CLVS1: variants seen among roughly 807,000 people sequenced by gnomAD.
CLVS1 encodes the protein clavesin-1.
Under a neutral mutation model 33.1 loss-of-function variants are expected in CLVS1, and 10 were observed. That is an observed-to-expected ratio of 0.30 (90% CI 0.19 to 0.51). The LOEUF (loss-of-function observed/expected upper bound fraction) is 0.51, where lower values mean the gene tolerates loss of function less well. Ranked by LOEUF, CLVS1 falls within the 20% of genes least tolerant of loss-of-function variation. The pLI is 0.97. For synonymous variants in CLVS1, 163 were observed against 166.1 expected (o/e 0.98, Z 0.14); for missense variants, 343 against 433.4 (o/e 0.79, Z 1.85).
At chr8:60,988,521 G>GAA in the CLVS1 span, among the ~76,000 whole-genome samples, 246 of 146,358 alleles carry the variant, frequency 1.7e-3, 2 homozygotes, top group African/African-American at 5.7e-3. Context: ...AACAGCTGCT[G>GAA]AAAAAAAAAA....
chr8:61,233,906 C>T (rs907372282), intron 2 of CLVS1, among the ~76,000 whole-genome samples: 12 of 152,272 alleles, frequency 7.9e-5, no homozygotes, highest in South Asian at 2.1e-4. Flanking sequence ...CTCTTGTCTC[C>T]GCACATCCAG....
chr8:61,477,012 G>T (rs911594299), intron 5 of CLVS1, among the ~76,000 whole-genome samples: 1 of 150,580 alleles, frequency 6.6e-6, no homozygotes, highest in African/African-American at 2.4e-5. Context: ...CATGAAGGTT[G>T]TTGAATTTTA....
chr8:61,074,379 TATATG>T lies in CLVS1; in HGVS notation c.-243+17150_-243+17154del, dbSNP rs1563392851. ...GTGTGTGTATATATATATATATAAG[TATATG>T]TGTATATATATATGTTATATATATA... On this transcript the variant is annotated intron_variant, in intron 1 of 2. Coordinates refer to the CLVS1 transcript ENST00000522621. Among the ~76,000 whole-genome samples the T allele has an allele frequency of 2.0e-4, 25 of 125,940 alleles. 1 individual carries two copies. The highest frequency in any genetic ancestry group is 4.0e-4 in the Admixed American group (5 of 12,374). 82.6% of individuals were successfully genotyped at this position (125,940 alleles called of 152,430 possible).
the CLVS1 span, among the ~76,000 whole-genome samples, chr8:60,971,253 A>AT: frequency 1.3e-5 from 2 of 151,656 alleles, no homozygotes; most frequent in East Asian, 3.9e-4. Context: ...ATTTTTCTGT[A>AT]TTTTTTGTAG....
chr8:61,469,194 G>C (rs1817656392), intron 5 of CLVS1, among the ~76,000 whole-genome samples: 1 of 152,144 alleles, frequency 6.6e-6, no homozygotes, highest in Admixed American at 6.5e-5. Flanking sequence ...TGTCAGCAAA[G>C]CACCTCCATG....
rs577731527 is a variant in CLVS1, at chr8:61,420,049, A to G, written c.631-34092A>G. On this transcript the variant is annotated intron_variant, in intron 3 of 5. Transcript: ENST00000325897. ...GATTATTATTATCTAATATCTTTCA[A>G]TAACTTTCCTCCCTTTTATTTCATG... Among the ~76,000 whole-genome samples the G allele has an allele frequency of 2.0e-5, 3 of 152,352 alleles. No homozygotes were observed. The South Asian group carries it at 6.2e-4, about 32-fold the overall frequency.
chr8:61,013,591 A>G, the CLVS1 span, among the ~76,000 whole-genome samples: 1 of 152,218 alleles, frequency 6.6e-6, no homozygotes, highest in Admixed American at 6.5e-5. Context: ...ATGAAGAAAT[A>G]AAAGATCATA....
chr8:61,100,911 T>A (rs1805437486), intron 1 of CLVS1, among the ~76,000 whole-genome samples: 1 of 152,230 alleles, frequency 6.6e-6, no homozygotes, highest in Non-Finnish European at 1.5e-5. Flanking sequence ...ACTTCATTTT[T>A]TTTGGTATTG....
the CLVS1 span, among the ~76,000 whole-genome samples, chr8:61,005,177 G>A: frequency 2.6e-5 from 4 of 152,198 alleles, no homozygotes; most frequent in Admixed American, 2.0e-4. Context: ...TGAGTAGATT[G>A]CGGATTGATT....
chr8:61,167,730 C>A (rs1312126854), intron 2 of CLVS1, among the ~76,000 whole-genome samples: 1 of 152,116 alleles, frequency 6.6e-6, no homozygotes, highest in Non-Finnish European at 1.5e-5. Flanking sequence ...GTTATAAAGA[C>A]CTTGCTGATA....
At chr8:61,181,947 C>T (rs1006477548) in intron 2 of CLVS1, among the ~76,000 whole-genome samples, 5 of 152,102 alleles carry the variant, frequency 3.3e-5, no homozygotes, top group Middle Eastern at 3.4e-3. Flanking sequence ...GTGATCCACC[C>T]GCCTCAGCCT....
chr8:61,490,063 C>G (rs930585271), intron 5 of CLVS1, among the ~76,000 whole-genome samples: 2 of 152,178 alleles, frequency 1.3e-5, no homozygotes, highest in Non-Finnish European at 2.9e-5. Flanking sequence ...CACCTGTAAT[C>G]CCAGCACTTT....
rs78637552 is a variant in CLVS1 at position 61,073,223 on chromosome 8, C to T, written c.-243+15993C>T. ...CTTCAGAAAAAAAAATTACAATCTA[C>T]TTGGATACTAGAACAATTATCTATA... On this transcript the variant is annotated intron_variant, in intron 1 of 2. Coordinates refer to the CLVS1 transcript ENST00000522621. 2.5e-3 allele frequency among the ~76,000 whole-genome samples: 384 copies of T among 152,316 alleles called. 6 individuals carry two copies. In the East Asian group the frequency reaches 0.068, roughly 27 times the overall value.
At chr8:61,288,444 C>T (rs1721090743) in intron 1 of CLVS1, among the ~76,000 whole-genome samples, 1 of 152,190 alleles carries the variant, frequency 6.6e-6, no homozygotes, top group Admixed American at 6.5e-5. Flanking sequence ...TGTCTTGCCA[C>T]TTAGACAAAG....
the CLVS1 span, among the ~76,000 whole-genome samples, chr8:61,051,680 G>A: frequency 3.3e-5 from 5 of 152,262 alleles, no homozygotes; most frequent in East Asian, 9.6e-4. Flanking sequence ...CTGTGGCTGA[G>A]CTGACTGGGT....
the CLVS1 span, among the ~76,000 whole-genome samples, chr8:60,981,590 T>C: frequency 6.6e-6 from 1 of 152,076 alleles, no homozygotes; most frequent in Non-Finnish European, 1.5e-5. Context: ...TTATAGTAAC[T>C]GCAATGTCAT....
chr8:61,283,098 C>A (rs1256452234), upstream of CLVS1, among the ~76,000 whole-genome samples: 4 of 152,162 alleles, frequency 2.6e-5, no homozygotes, highest in African/African-American at 9.7e-5. Context: ...CATCTGAGAT[C>A]CCGCAGCTAA....
intron 5 of CLVS1, among the ~76,000 whole-genome samples, chr8:61,470,500 T>C (rs1371692633): frequency 6.6e-6 from 1 of 152,230 alleles, no homozygotes; most frequent in Non-Finnish European, 1.5e-5. Context: ...TGAAGCACCA[T>C]GCTCAGATGC....
chr8:61,459,734 T>A (rs796664238), intron 5 of CLVS1, among the ~76,000 whole-genome samples: 1 of 152,140 alleles, frequency 6.6e-6, no homozygotes, highest in Non-Finnish European at 1.5e-5. Context: ...CATACATCTA[T>A]ACACACCCAT....
Sources: gnomAD v4.1 joint callset for allele counts (sites outside exome capture counted in the v4.1 genomes callset) on GRCh38, gnomAD v4.1.1 for gene constraint, MANE v1.5 for transcripts, NCBI Gene and HGNC (gene_info 2026-07-23, HGNC 2026-07-21) for gene names.